LPXN: variants seen among roughly 807,000 people sequenced by gnomAD.
LPXN encodes the protein leupaxin.
In LPXN, 28 loss-of-function variants were observed where a neutral mutation model predicts 45.6. That is an observed-to-expected ratio of 0.61 (90% CI 0.45 to 0.84). LPXN has a LOEUF of 0.84. LPXN is among the 40% of genes least tolerant of loss of function. The pLI is 0.00. For synonymous variants in LPXN, 166 were observed against 169.9 expected (o/e 0.98, Z 0.18); for missense variants, 459 against 475.0 (o/e 0.97, Z 0.31).
chr11:58,575,662 T>G (rs1854862767), intron 1 of LPXN, 98 bp downstream of exon 1: 2 of 1,326,300 alleles, frequency 1.5e-6, no homozygotes, highest in South Asian at 1.2e-5. Context: ...AATCTTCCAT[T>G]ACTACCCTCA....
chr11:58,551,197 T>G lies in LPXN; in HGVS notation c.354A>C (p.Leu118Phe). The G allele has an allele frequency of 6.2e-7, 1 of 1,611,228 alleles. No individual in the cohort carries two copies. ...AVRADAGKKH[L>F]PDKQDHKASL... ...AGGCCTTGTGATCCTGCTTGTCTGG[T>G]AAGTGCTTCTTGCCAGCATCTGCTC... is the stretch of plus-strand genomic sequence containing the variant. Residue 118 changes from leucine to phenylalanine, a missense_variant, in exon 5 of 9, where the codon TTA becomes TTC. Leu to Phe is a conservative substitution (Grantham distance 22, BLOSUM62 0). Coordinates refer to ENST00000395074, the MANE Select transcript of LPXN (RefSeq NM_004811.3).
chr11:58,571,949 C>T (rs1246126358), intron 1 of LPXN, among the ~76,000 whole-genome samples: 3 of 152,178 alleles, frequency 2.0e-5, no homozygotes, highest in African/African-American at 7.2e-5. Context: ...AAGTTCCAGT[C>T]TCCTGTCTTA....
At chr11:58,565,524 A>G (rs1002070290) in intron 2 of LPXN, among the ~76,000 whole-genome samples, 1 of 146,640 alleles carries the variant, frequency 6.8e-6, no homozygotes, top group Non-Finnish European at 1.5e-5. Context: ...ACAGAGCGAG[A>G]CTCGGTCTCA....
At chr11:58,536,738 GA>G (rs1241736604) in intron 7 of LPXN, among the ~76,000 whole-genome samples, 1 of 151,432 alleles carries the variant, frequency 6.6e-6, no homozygotes, top group Non-Finnish European at 1.5e-5. Context: ...CAAAATTGGA[GA>G]AAATTTTTGC....
intron 7 of LPXN, among the ~76,000 whole-genome samples, chr11:58,539,772 T>C (rs1333900843): frequency 6.6e-6 from 1 of 152,208 alleles, no homozygotes; most frequent in African/African-American, 2.4e-5. Context: ...CAAACACTTA[T>C]CTCACCTTTC....
upstream of LPXN, among the ~76,000 whole-genome samples, chr11:58,578,453 G>C (rs1030618463): frequency 6.6e-6 from 1 of 152,012 alleles, no homozygotes; most frequent in Non-Finnish European, 1.5e-5. Flanking sequence ...GCGGGCCCTC[G>C]TTGCCCCCAC....
intron 7 of LPXN, among the ~76,000 whole-genome samples, chr11:58,530,764 C>T (rs1050070468): frequency 1.3e-5 from 2 of 152,188 alleles, no homozygotes. Context: ...TTGGGAGACA[C>T]CTCCCAATAG....
Position 58,574,880 on chromosome 11 carries a change from TTTG to T in LPXN, c.13+877_13+879del, listed in dbSNP as rs773044099. On this transcript the variant is annotated intron_variant, in intron 1 of 8. Transcript: ENST00000395074. ...CAATGTAACAATGTGCAAGATATTTTTTGTTGTTGTTTTTTGCACTTTTGACAT... is the reference window on the plus strand; with the variant it reads ...CAATGTAACAATGTGCAAGATATTTTTTGTTGTTTTTTGCACTTTTGACAT... 5.9e-4 allele frequency among the ~76,000 whole-genome samples: 90 copies of T among 152,316 alleles called. 1 individual carries two copies. Among genetic ancestry groups the T allele is most frequent in the Admixed American group, 1.3e-3 (20 of 15,296 alleles).
At chr11:58,530,465 C>T (rs1028781981) in intron 7 of LPXN, among the ~76,000 whole-genome samples, 4 of 152,226 alleles carry the variant, frequency 2.6e-5, no homozygotes, top group Admixed American at 2.6e-4. Context: ...AACCGCAGCT[C>T]AGCAAGGCTG....
chr11:58,551,293 C>T, intron 4 of LPXN, 61 bp from the exon 5 acceptor site: 1 of 1,398,880 alleles, frequency 7.1e-7, no homozygotes, highest in Non-Finnish European at 9.6e-7. Context: ...TTGGCATCTT[C>T]TAATGACTCT....
At chr11:58,538,650 A>C (rs978573257) in intron 7 of LPXN, among the ~76,000 whole-genome samples, 1 of 152,176 alleles carries the variant, frequency 6.6e-6, no homozygotes, top group African/African-American at 2.4e-5. Context: ...TACCATATAC[A>C]CATGAAAAGG....
chr11:58,564,663 G>A (rs1000274182), intron 2 of LPXN, among the ~76,000 whole-genome samples: 2 of 152,200 alleles, frequency 1.3e-5, no homozygotes, highest in Admixed American at 1.3e-4. Flanking sequence ...GGCCTGTCAT[G>A]TGCCAGGGCT....
chr11:58,578,089 A>T (rs997904235), upstream of LPXN: 2 of 1,547,022 alleles, frequency 1.3e-6, no homozygotes, highest in African/African-American at 2.7e-5. Flanking sequence ...CATCTGACCA[A>T]ACCAAGGCAA....
intron 2 of LPXN, among the ~76,000 whole-genome samples, chr11:58,567,601 G>T (rs1334022337): frequency 1.3e-5 from 2 of 152,204 alleles, no homozygotes; most frequent in Non-Finnish European, 2.9e-5. Context: ...GCCTCCTGCA[G>T]CTGCCGTGTT....
intron 2 of LPXN, among the ~76,000 whole-genome samples, chr11:58,567,941 A>C (rs1854571956): frequency 6.6e-6 from 1 of 152,256 alleles, no homozygotes; most frequent in Non-Finnish European, 1.5e-5. Flanking sequence ...CAATTAGGTT[A>C]CACTATACTC....
At chr11:58,531,986 C>A (rs903744064) in intron 7 of LPXN, among the ~76,000 whole-genome samples, 1 of 152,248 alleles carries the variant, frequency 6.6e-6, no homozygotes, top group African/African-American at 2.4e-5. Context: ...GCATGCGGTG[C>A]TCGTGGGCCA....
chr11:58,527,580 C>A lies in LPXN; in HGVS notation c.1035G>T (p.Gly345=), dbSNP rs767399464. ...CAAAGTGCTCAGGATGGAACTTGTACCCCATGGCACTGATACAACGGCCAG... is the reference window on the plus strand; with the variant it reads ...CAAAGTGCTCAGGATGGAACTTGTAACCCATGGCACTGATACAACGGCCAG... ...PITGRCISAM[G]YKFHPEHFVC... The change falls in exon 9 of 9, where the codon GGG becomes GGT. Residue 345 remains glycine, a synonymous_variant. Coordinates refer to ENST00000395074, the MANE Select transcript of LPXN (RefSeq NM_004811.3). 6.2e-7 allele frequency: 1 copy of A among 1,614,114 alleles called. No homozygotes were observed. The highest frequency in any genetic ancestry group is 8.5e-7 in the Non-Finnish European group (1 of 1,180,024).
chr11:58,558,392 C>T (rs1026345540), intron 3 of LPXN, among the ~76,000 whole-genome samples: 1 of 151,358 alleles, frequency 6.6e-6, no homozygotes, highest in African/African-American at 2.4e-5. Context: ...TAAAAATCAG[C>T]CAGATGTGGT....
chr11:58,529,634 T>A (rs1483468982), intron 7 of LPXN, among the ~76,000 whole-genome samples: 25 of 144,812 alleles, frequency 1.7e-4, no homozygotes, highest in African/African-American at 6.1e-4. Flanking sequence ...AGTAAAAAAA[T>A]TAAAATGGAA....
Sources: gnomAD v4.1 joint callset for allele counts (sites outside exome capture counted in the v4.1 genomes callset) on GRCh38, gnomAD v4.1.1 for gene constraint, MANE v1.5 for transcripts, NCBI Gene and HGNC (gene_info 2026-07-23, HGNC 2026-07-21) for gene names.